The following C12orf42 variants were observed in gnomAD, a reference collection of about 807,000 sequenced individuals.
The protein encoded by C12orf42 is chromosome 12 open reading frame 42, also known as uncharacterized protein C12orf42.
Under a neutral mutation model 21.6 loss-of-function variants are expected in C12orf42, and 25 were observed. The observed-to-expected ratio is 1.16, with a 90% CI of 0.84 to 1.62. The LOEUF (loss-of-function observed/expected upper bound fraction) is 1.62. C12orf42 is among the 40% of genes most tolerant of loss of function. C12orf42 has a pLI of 0.00. For missense variants in C12orf42, 483 were observed against 459.3 expected, an observed-to-expected ratio of 1.05 and a Z score of -0.47; for synonymous variants, 174 against 175.0, an observed-to-expected ratio of 0.99 and a Z score of 0.05.
chr12:103,314,277 A>G (rs928874470), intron 4 of C12orf42, among the ~76,000 whole-genome samples: 12 of 152,064 alleles, frequency 7.9e-5, no homozygotes, highest in Non-Finnish European at 1.5e-4. Context: ...ACAACATGCA[A>G]TAGAAAGCAA....
chr12:103,275,209 C>T (rs930829877), intron 5 of C12orf42, among the ~76,000 whole-genome samples: 4 of 151,738 alleles, frequency 2.6e-5, no homozygotes, highest in African/African-American at 9.7e-5. Flanking sequence ...TTCAGGGATA[C>T]TGATTTTGCT....
chr12:103,123,298 G>C, the C12orf42 span, among the ~76,000 whole-genome samples: 1 of 152,152 alleles, frequency 6.6e-6, no homozygotes, highest in African/African-American at 2.4e-5. Context: ...GAGTGCTGAA[G>C]GCTTCAATGT....
the C12orf42 span, among the ~76,000 whole-genome samples, chr12:103,077,048 T>A: frequency 6.6e-6 from 1 of 152,210 alleles, no homozygotes; most frequent in Non-Finnish European, 1.5e-5. Flanking sequence ...GTATATAAAC[T>A]GTGTGCAATA....
chr12:103,554,651 A>G, the C12orf42 span, among the ~76,000 whole-genome samples: 1 of 152,188 alleles, frequency 6.6e-6, no homozygotes, highest in Non-Finnish European at 1.5e-5. Flanking sequence ...GAGGCCCCAG[A>G]AAACTTACAA....
chr12:103,164,863 G>C, the C12orf42 span: 4 of 364,916 alleles, frequency 1.1e-5, no homozygotes, highest in Admixed American at 1.3e-4. Context: ...ACTCACAAAT[G>C]TGGAGTATTA....
At chr12:103,156,007 A>G in the C12orf42 span, 1 of 151,802 alleles carries the variant, frequency 6.6e-6, no homozygotes, top group African/African-American at 2.4e-5. Context: ...ATTTGTTAAT[A>G]TTATTTTATA....
the C12orf42 span, among the ~76,000 whole-genome samples, chr12:103,217,188 C>A: frequency 6.6e-6 from 1 of 152,076 alleles, no homozygotes; most frequent in African/African-American, 2.4e-5. Context: ...AATTCTGGTC[C>A]AGAACACATT....
the C12orf42 span, among the ~76,000 whole-genome samples, chr12:103,135,498 A>G: frequency 1.1e-4 from 16 of 152,094 alleles, no homozygotes; most frequent in Non-Finnish European, 5.9e-5. Flanking sequence ...GAAAGGACTC[A>G]AATGTTACCA....
In C12orf42 at chr12:103,431,701, C is replaced by A. The variant is rs573335647; in HGVS notation, c.79-30026G>T. ...CACTGTATCATTATTCTGTCATTCA[C>A]ACAAGCTTTTAATGAGTATTTTCTA... On this transcript the variant is annotated intron_variant, in intron 2 of 5. Coordinates refer to ENST00000548883, the MANE Select transcript of C12orf42 (RefSeq NM_198521.5). Among the ~76,000 whole-genome samples, 302 of 152,310 alleles carry A rather than the reference C, an allele frequency of 2.0e-3. 1 individual carries two copies. Among genetic ancestry groups the A allele is most frequent in the Non-Finnish European group, 3.6e-3 (243 of 68,032 alleles).
chr12:103,135,639 A>T, the C12orf42 span, among the ~76,000 whole-genome samples: 4 of 152,206 alleles, frequency 2.6e-5, no homozygotes, highest in African/African-American at 9.7e-5. Flanking sequence ...GAATGTAAAC[A>T]TAGAGGTGAA....
At chr12:103,553,138 C>T in the C12orf42 span, among the ~76,000 whole-genome samples, 4 of 152,024 alleles carry the variant, frequency 2.6e-5, no homozygotes, top group African/African-American at 9.7e-5. Context: ...CATTGCAGGG[C>T]GTTAAACATT....
chr12:103,206,203 G>C, the C12orf42 span, among the ~76,000 whole-genome samples: 1 of 152,190 alleles, frequency 6.6e-6, no homozygotes, highest in African/African-American at 2.4e-5. Flanking sequence ...AACCTATGTG[G>C]TACTGACACA....
At chr12:103,360,528 A>G (rs941500519) in intron 4 of C12orf42, among the ~76,000 whole-genome samples, 10 of 152,086 alleles carry the variant, frequency 6.6e-5, no homozygotes, top group African/African-American at 1.7e-4. Flanking sequence ...ATTATAAACT[A>G]TGTTATTTCT....
the C12orf42 span, among the ~76,000 whole-genome samples, chr12:103,186,459 A>G: frequency 2.0e-5 from 3 of 152,316 alleles, no homozygotes; most frequent in East Asian, 1.9e-4. Flanking sequence ...TTGAGCTGAC[A>G]TGCGTTCAAA....
Position 103,302,114 on chromosome 12 carries a change from T to C in C12orf42, c.1077A>G (p.Leu359=). The C allele has an allele frequency of 2.5e-6, 4 of 1,611,458 alleles. No homozygotes were observed. The highest frequency in any genetic ancestry group is 3.4e-6 in the Non-Finnish European group (4 of 1,178,760). Residue 359 remains leucine (L), a synonymous_variant, in exon 6 of 6, where the codon TTA becomes TTG. Coordinates refer to ENST00000548883, the MANE Select transcript of C12orf42 (RefSeq NM_198521.5). The part of the protein sequence containing the change: ...ALSRPVVNAH[L]H ...AACAATTCCCTCGCAGCGGTCAATGTAAGTGAGCATTCACCACCGGCCTAG... is the reference window on the plus strand; with the variant it reads ...AACAATTCCCTCGCAGCGGTCAATGCAAGTGAGCATTCACCACCGGCCTAG...
chr12:103,109,742 A>C, the C12orf42 span, among the ~76,000 whole-genome samples: 4 of 151,696 alleles, frequency 2.6e-5, no homozygotes, highest in Admixed American at 6.6e-5. Context: ...ACCATGAACA[A>C]ATAAAAAAGA....
the C12orf42 span, among the ~76,000 whole-genome samples, chr12:103,134,680 T>C: frequency 6.6e-6 from 1 of 151,978 alleles, no homozygotes; most frequent in Non-Finnish European, 1.5e-5. Context: ...GAGAAAAGCA[T>C]TAGAAAACCT....
the C12orf42 span, among the ~76,000 whole-genome samples, chr12:103,056,594 T>A: frequency 6.6e-6 from 1 of 152,170 alleles, no homozygotes; most frequent in Non-Finnish European, 1.5e-5. Context: ...AGATTTTTTG[T>A]TATAGTCCCA....
At chr12:103,110,987 G>A in the C12orf42 span, among the ~76,000 whole-genome samples, 7 of 152,182 alleles carry the variant, frequency 4.6e-5, no homozygotes, top group Non-Finnish European at 8.8e-5. Flanking sequence ...GAAAGGGCCA[G>A]ACAGCACTAG....
Sources: gnomAD v4.1 joint callset for allele counts (sites outside exome capture counted in the v4.1 genomes callset) on GRCh38, gnomAD v4.1.1 for gene constraint, MANE v1.5 for transcripts, NCBI Gene and HGNC (gene_info 2026-07-23, HGNC 2026-07-21) for gene names.